IL17RA: variants seen among roughly 807,000 people sequenced by gnomAD.
IL17RA encodes interleukin-17 receptor A.
A neutral mutation model predicts 50.4 loss-of-function variants in IL17RA; 34 were observed. The observed-to-expected ratio is 0.67, with a 90% CI of 0.51 to 0.90. IL17RA has a LOEUF of 0.90. Among genes scored for constraint, IL17RA ranks in the 40% least tolerant of loss-of-function variants. The pLI, the probability that IL17RA is intolerant of heterozygous loss-of-function variation, is 0.00. For missense variants in IL17RA, 1,276 were observed against 1,169.8 expected (o/e 1.09, Z -1.32); for synonymous variants, 585 against 510.4 (o/e 1.15, Z -1.97).
chr22:17,108,574 G>A lies in IL17RA; in HGVS notation c.1355G>A (p.Arg452His). The A allele has an allele frequency of 6.2e-7, 1 of 1,606,344 alleles. No homozygotes were observed. The highest frequency in any genetic ancestry group is 8.5e-7 in the Non-Finnish European group (1 of 1,179,912). ...ATCGTCCTGTGCTCCCGCGGCACGCGCGCCAAGTGGCAGGCGCTCCTGGGC... is the reference window on the plus strand; with the variant it reads ...ATCGTCCTGTGCTCCCGCGGCACGCACGCCAAGTGGCAGGCGCTCCTGGGC... ...KIIVLCSRGT[R>H]AKWQALLGRG... Residue 452 changes from arginine (R) to histidine (H), a missense_variant, in exon 13 of 13, where the codon CGC becomes CAC. Coordinates refer to ENST00000319363, the MANE Select transcript of IL17RA (RefSeq NM_014339.7).
chr22:17,089,419 T>G (rs1234267293), intron 1 of IL17RA, among the ~76,000 whole-genome samples: 1 of 152,170 alleles, frequency 6.6e-6, no homozygotes, highest in Non-Finnish European at 1.5e-5. Flanking sequence ...ATGAGATATA[T>G]GTACAAAGTG....
rs145378071 is a variant in IL17RA, at chr22:17,100,358, C to T, written c.427C>T (p.Arg143Cys). 681 of 1,614,066 alleles carry T rather than the reference C, an allele frequency of 4.2e-4. 1 individual carries two copies. The Middle Eastern group carries it at 6.6e-3, about 16-fold the overall frequency. ...SKLRHHHRRW[R>C]FTFSHFVVDP... ...TCCCTTCCTCCCTTCTCTTCAGTGGCGTTTTACCTTCAGCCACTTTGTGGT... is the reference window on the plus strand; with the variant it reads ...TCCCTTCCTCCCTTCTCTTCAGTGGTGTTTTACCTTCAGCCACTTTGTGGT... The change falls in exon 5 of 13, where the codon CGT (arginine) becomes TGT (cysteine). Residue 143 changes from arginine (R) to cysteine (C), a missense_variant. Physicochemically the swap from Arg to Cys is radical, Grantham distance 180. Coordinates refer to ENST00000319363, the MANE Select transcript of IL17RA (RefSeq NM_014339.7).
rs1038157688 is a variant in IL17RA, at chr22:17,102,442, G to A, written c.762+140G>A. ...CTGTGCTTAGTCCATAGTGATCATG[G>A]CGCCTTGCCCTTTTTCTTCCCCAGT... On this transcript the variant is annotated intron_variant, in intron 7 of 12. Coordinates refer to ENST00000319363, the MANE Select transcript of IL17RA (RefSeq NM_014339.7). 14 of 928,234 alleles carry A rather than the reference G, an allele frequency of 1.5e-5. No homozygotes were observed. In the African/African-American group the frequency reaches 1.9e-4, roughly 13 times the overall value. The allele number at this position is 928,234 out of a possible 1,614,324, so 57.5% of individuals were successfully genotyped here.
chr22:17,103,571 A>C lies in IL17RA; in HGVS notation c.840A>C (p.Gln280His). The C allele has an allele frequency of 6.2e-7, 1 of 1,612,090 alleles. No homozygotes were observed. Among genetic ancestry groups the C allele is most frequent in the Non-Finnish European group, 8.5e-7 (1 of 1,179,144 alleles). The change falls in exon 8 of 13, where the codon CAA becomes CAC. Residue 280 changes from glutamine to histidine, a missense_variant. Coordinates refer to ENST00000319363, the MANE Select transcript of IL17RA (RefSeq NM_014339.7). Reference sequence around the variant, plus strand: ...ACCTTAAAGGGTGCTGTCGCCACCAAGTGCAGGTGGGTGAGTGTGGTGTGG... The same window carrying C: ...ACCTTAAAGGGTGCTGTCGCCACCACGTGCAGGTGGGTGAGTGTGGTGTGG... ...LRNLKGCCRH[Q>H]VQIQPFFSSC... is the part of the protein sequence containing the mutation.
chr22:17,108,799 A>G lies in IL17RA; in HGVS notation c.1580A>G (p.Asp527Gly). 2 of 1,607,680 alleles carry G rather than the reference A, an allele frequency of 1.2e-6. No homozygotes were observed. The highest frequency in any genetic ancestry group is 1.7e-6 in the Non-Finnish European group (2 of 1,177,214). Residue 527 changes from aspartate to glycine, a missense_variant, in exon 13 of 13, where the codon GAC becomes GGC. Physicochemically the swap from Asp to Gly is moderately conservative, Grantham distance 94 (BLOSUM62 -1). Coordinates refer to ENST00000319363, the MANE Select transcript of IL17RA (RefSeq NM_014339.7). ...GCGGCGCCGCGGTACCCGCTCATGG[A>G]CAGGTTCGAGGAGGTGTACTTCCGC... ...FGAAPRYPLM[D>G]RFEEVYFRIQ...
At position 17,104,770 on chromosome 22, in the gene IL17RA, C is replaced by T. The variant is rs981973256; in HGVS notation, c.891C>T (p.His297=). Residue 297 remains histidine, a synonymous_variant, in exon 9 of 13, where the codon CAC becomes CAT. Coordinates refer to ENST00000319363, the MANE Select transcript of IL17RA (RefSeq NM_014339.7). The part of the protein sequence containing the change: ...FSSCLNDCLR[H]SATVSCPEMP... ...GCTGCCTCAATGACTGCCTCAGACA[C>T]TCCGCGACTGTTTCCTGCCCAGAAA... The T allele has an allele frequency of 1.2e-6, 2 of 1,614,060 alleles. No homozygotes were observed. Among genetic ancestry groups the T allele is most frequent in the Non-Finnish European group, 1.7e-6 (2 of 1,180,006 alleles).
rs1335482114 is a variant in IL17RA, at chr22:17,085,167, C to G, written c.76C>G (p.Leu26Val). ...LGLLLLLLGV[L>V]APGGASLRLL... ...GCTGCTCCTGCTGCTCCTGGGCGTG[C>G]TGGCCCCGGGTGGCGCCTCCCTGCG... Residue 26 changes from leucine to valine, a missense_variant, in exon 1 of 13, where the codon CTG becomes GTG. Physicochemically the swap from Leu to Val is conservative, Grantham distance 32 (BLOSUM62 1). Transcript: ENST00000319363. 1 of 1,523,086 alleles carries G rather than the reference C, an allele frequency of 6.6e-7. No individual in the cohort carries two copies. Among genetic ancestry groups the G allele is most frequent in the Non-Finnish European group, 8.8e-7 (1 of 1,140,986 alleles). 94.3% of individuals were successfully genotyped at this position (1,523,086 alleles called of 1,614,324 possible).
In IL17RA at chr22:17,115,396, C is replaced by T. The variant is rs2061463377; in HGVS notation, c.*5576C>T. 6.6e-6 allele frequency: 1 copy of T among 152,350 alleles called. No homozygotes were observed. The highest frequency in any genetic ancestry group is 1.5e-5 in the Non-Finnish European group (1 of 68,038). The allele number at this position is 152,350 out of a possible 1,614,324, so 9.4% of individuals were successfully genotyped here. ...TGTTTTATAAATAATGACATAGTTC[C>T]AGTTGATGGCCAAAGCCACAGCTAA... is the stretch of plus-strand genomic sequence containing the variant. On this transcript the variant is annotated 3_prime_UTR_variant, in exon 13 of 13. Transcript: ENST00000319363.
chr22:17,107,663 C>A, intron 11 of IL17RA, 64 bp from the exon 12 acceptor site: 2 of 1,396,158 alleles, frequency 1.4e-6, no homozygotes, highest in Non-Finnish European at 2.0e-6. Context: ...GGCAGACACC[C>A]TGTGAGCTGG....
chr22:17,086,007 G>T (rs574280451), intron 1 of IL17RA, among the ~76,000 whole-genome samples: 6 of 152,202 alleles, frequency 3.9e-5, no homozygotes, highest in Non-Finnish European at 7.3e-5. Flanking sequence ...CTGGGTCTGG[G>T]AACCCGGTGA....
chr22:17,094,667 C>CTATATA (rs2061359995), intron 1 of IL17RA, among the ~76,000 whole-genome samples: 1 of 25,102 alleles, frequency 4.0e-5, no homozygotes, highest in Non-Finnish European at 9.6e-5. Flanking sequence ...CTCTCTCTCT[C>CTATATA]TCTCTCTCTC....
At position 17,105,886 on chromosome 22, in the gene IL17RA, C is replaced by T. The variant is rs2061413031; in HGVS notation, c.977C>T (p.Thr326Met). The T allele has an allele frequency of 2.5e-6, 4 of 1,614,124 alleles. No individual in the cohort carries two copies. Among genetic ancestry groups the T allele is most frequent in the East Asian group, 2.2e-5 (1 of 44,884 alleles). Residue 326 changes from threonine (T) to methionine (M), a missense_variant, in exon 11 of 13, where the codon ACG becomes ATG. Physicochemically the swap from Thr to Met is moderately conservative, Grantham distance 81. Coordinates refer to ENST00000319363, the MANE Select transcript of IL17RA (RefSeq NM_014339.7). ...YMPLWVYWFI[T>M]GISILLVGSV... ...CCCCTGTGGGTGTACTGGTTCATCA[C>T]GGGCATCTCCATCCTGCTGGTGGGC... is the stretch of plus-strand genomic sequence containing the variant.
intron 1 of IL17RA, 196 bp downstream of exon 1, chr22:17,085,425 G>C (rs1240601296): frequency 1.5e-6 from 1 of 675,412 alleles, no homozygotes; most frequent in Non-Finnish European, 1.8e-6. Flanking sequence ...TGGGAGTTGC[G>C]GTGTGGAATA....
In IL17RA at chr22:17,112,123, A is replaced by G. The variant is rs2061445725; in HGVS notation, c.*2303A>G. 6.6e-6 allele frequency: 1 copy of G among 151,776 alleles called. No homozygotes were observed. The highest frequency in any genetic ancestry group is 6.6e-5 in the Admixed American group (1 of 15,248). The allele number at this position is 151,776 out of a possible 1,614,324, so 9.4% of individuals were successfully genotyped here. The stretch of plus-strand genomic sequence containing the variant: ...AATAACTGTTTGACGCCCAGAGTAC[A>G]GGATACCACAATGCACTCTTCCTGC... On this transcript the variant is annotated 3_prime_UTR_variant, in exon 13 of 13. Transcript: ENST00000319363.
intron 1 of IL17RA, among the ~76,000 whole-genome samples, chr22:17,096,222 T>C (rs1161253163): frequency 1.3e-5 from 2 of 152,154 alleles, no homozygotes; most frequent in Admixed American, 1.3e-4. Context: ...TCCTCAGGCT[T>C]GGAAGGTTAA....
chr22:17,085,275 G>A, intron 1 of IL17RA, 46 bp downstream of exon 1: 2 of 1,533,234 alleles, frequency 1.3e-6, no homozygotes, highest in Non-Finnish European at 1.7e-6. Flanking sequence ...TGCTGCGGAC[G>A]CGGGGCAAGG....
chr22:17,108,641 CG>C lies in IL17RA; in HGVS notation c.1423del (p.Val475TrpfsTer9). 3 of 1,606,054 alleles carry C rather than the reference CG, an allele frequency of 1.9e-6. No individual in the cohort carries two copies. Among genetic ancestry groups the C allele is most frequent in the Non-Finnish European group, 2.5e-6 (3 of 1,179,676 alleles). On this transcript the variant is annotated frameshift_variant, in exon 13 of 13. Transcript: ENST00000319363. LOFTEE classifies it low-confidence loss of function (END_TRUNC). The stretch of plus-strand genomic sequence containing the variant: ...GGCTGCGCTGCGACCACGGAAAGCC[CG>C]TGGGGGACCTGTTCACTGCAGCCAT... ...VRLRCDHGKP[V>X]GDLFTAAMNM...
intron 1 of IL17RA, among the ~76,000 whole-genome samples, chr22:17,091,712 T>G (rs766709289): frequency 7.0e-4 from 107 of 152,256 alleles, no homozygotes; most frequent in Admixed American, 1.5e-3. Flanking sequence ...ATGTGTCTTA[T>G]TGGTTTATAT....
chr22:17,105,569 T>C, intron 9 of IL17RA, 22 bp from the exon 10 acceptor site: 2 of 1,610,622 alleles, frequency 1.2e-6, no homozygotes, highest in Non-Finnish European at 8.5e-7. Context: ...TATTTTCCCT[T>C]TTTCCTCTGT....
Sources: gnomAD v4.1 joint callset for allele counts (sites outside exome capture counted in the v4.1 genomes callset) on GRCh38, gnomAD v4.1.1 for gene constraint, MANE v1.5 for transcripts, NCBI Gene and HGNC (gene_info 2026-07-23, HGNC 2026-07-21) for gene names.